The following PTK2 variants were observed in gnomAD, a reference collection of about 807,000 sequenced individuals.
PTK2 encodes the protein protein tyrosine kinase 2, also known as focal adhesion kinase 1.
A neutral mutation model predicts 150.1 loss-of-function variants in PTK2; 45 were observed. The observed-to-expected ratio is 0.30, with a 90% CI of 0.24 to 0.38. The LOEUF (loss-of-function observed/expected upper bound fraction) is 0.38, where lower values mean the gene tolerates loss of function less well. Among genes scored for constraint, PTK2 ranks in the 10% least tolerant of loss-of-function variants. PTK2 has a pLI of 1.00. For synonymous variants in PTK2, 432 were observed against 449.2 expected (o/e 0.96, Z 0.48); for missense variants, 919 against 1,307.3 (o/e 0.70, Z 4.58).
chr8:140,708,354 C>G (rs1387449804), intron 23 of PTK2, among the ~76,000 whole-genome samples: 2 of 152,166 alleles, frequency 1.3e-5, no homozygotes, highest in Non-Finnish European at 2.9e-5. Context: ...CTCCTTCCAT[C>G]TGTAGTATAC....
chr8:140,681,416 G>A (rs1198681028), intron 27 of PTK2, among the ~76,000 whole-genome samples: 1 of 151,240 alleles, frequency 6.6e-6, no homozygotes, highest in Non-Finnish European at 1.5e-5. Context: ...CTGAGGAACT[G>A]GAAAAACAAG....
At chr8:140,918,317 C>T (rs2100166102) in intron 2 of PTK2, among the ~76,000 whole-genome samples, 2 of 152,186 alleles carry the variant, frequency 1.3e-5, no homozygotes, top group African/African-American at 4.8e-5. Context: ...AAATATCTGA[C>T]ACTCTTTAGT....
intron 2 of PTK2, chr8:140,920,905 C>T: frequency 2.0e-6 from 3 of 1,522,380 alleles, no homozygotes; most frequent in Non-Finnish European, 2.6e-6. Flanking sequence ...CTGCCAGTTC[C>T]AACAACATAC....
rs1370486810 is a variant in PTK2, at chr8:140,717,727, T to C, written c.2031-18A>G. 4 of 1,605,216 alleles carry C rather than the reference T, an allele frequency of 2.5e-6. No homozygotes were observed. Among genetic ancestry groups the C allele is most frequent in the Non-Finnish European group, 3.4e-6 (4 of 1,172,082 alleles). ...GGATTGTGCTAGAGAGACAACACAT[T>C]GTCTTAGGGGAGCTGACAACCCAGA... On this transcript the variant is annotated intron_variant, in intron 22 of 31. Coordinates refer to ENST00000522684, the Ensembl canonical transcript of PTK2.
intron 12 of PTK2, among the ~76,000 whole-genome samples, chr8:140,797,074 A>G (rs2100092037): frequency 6.6e-6 from 1 of 152,192 alleles, no homozygotes; most frequent in East Asian, 1.9e-4. Flanking sequence ...AGGCAGACAA[A>G]TGGGCAGAGT....
rs1002053744 is a variant in PTK2 at position 140,800,456 on chromosome 8, C to T, written c.1093+3G>A. ...TTGGGAATGCTCAGAAACAGCACCT[C>T]ACCTTTCTGAGGTCTGATGATAAAT... On this transcript the variant is annotated splice_donor_region_variant and intron_variant, in intron 12 of 31. Coordinates refer to ENST00000522684, the Ensembl canonical transcript of PTK2. 23 of 1,607,376 alleles carry T rather than the reference C, an allele frequency of 1.4e-5. No homozygotes were observed. Among genetic ancestry groups the T allele is most frequent in the Non-Finnish European group, 1.9e-5 (22 of 1,173,896 alleles).
At chr8:140,783,260 G>A (rs1014633520) in intron 14 of PTK2, among the ~76,000 whole-genome samples, 2 of 151,976 alleles carry the variant, frequency 1.3e-5, no homozygotes, top group South Asian at 2.1e-4. Flanking sequence ...AAAGAAATGA[G>A]TCAATATGGT....
chr8:140,680,167 C>T (rs1307936093), intron 27 of PTK2, among the ~76,000 whole-genome samples: 1 of 152,202 alleles, frequency 6.6e-6, no homozygotes. Context: ...CTATTGCCTC[C>T]ACCTGGCACA....
chr8:140,822,243 T>C (rs1329296804), intron 8 of PTK2: 1 of 152,178 alleles, frequency 6.6e-6, no homozygotes, highest in African/African-American at 2.4e-5. Context: ...CAGGTATCTA[T>C]TCTCAATAAA....
At chr8:140,966,300 C>G (rs1325611681) in intron 1 of PTK2, among the ~76,000 whole-genome samples, 1 of 152,248 alleles carries the variant, frequency 6.6e-6, no homozygotes, top group Non-Finnish European at 1.5e-5. Flanking sequence ...AATGGATACA[C>G]TGGCATTGAG....
intron 1 of PTK2, among the ~76,000 whole-genome samples, chr8:140,998,094 T>C (rs2100198486): frequency 6.6e-6 from 1 of 152,200 alleles, no homozygotes; most frequent in African/African-American, 2.4e-5. Flanking sequence ...CTACAGGAAC[T>C]AAACTTCTCA....
chr8:140,663,803 A>G (rs546866886), intron 31 of PTK2, among the ~76,000 whole-genome samples: 2 of 152,162 alleles, frequency 1.3e-5, no homozygotes, highest in South Asian at 4.2e-4. Flanking sequence ...CCTCCTGAGT[A>G]GCTACTGCAC....
chr8:140,683,920 G>A (rs929370532), intron 27 of PTK2, among the ~76,000 whole-genome samples: 1 of 152,084 alleles, frequency 6.6e-6, no homozygotes, highest in Non-Finnish European at 1.5e-5. Flanking sequence ...ATGGGCAAAG[G>A]CTGGAAGCAC....
intron 23 of PTK2, among the ~76,000 whole-genome samples, chr8:140,716,485 C>T (rs1015783762): frequency 2.6e-5 from 4 of 152,188 alleles, no homozygotes; most frequent in African/African-American, 9.7e-5. Flanking sequence ...TGTTTCTTCT[C>T]TGGGCCTCGG....
At position 140,686,613 on chromosome 8, in the gene PTK2, G is replaced by A; in HGVS notation, c.2562+19C>T. 2 of 1,603,860 alleles carry A rather than the reference G, an allele frequency of 1.2e-6. No homozygotes were observed. Among genetic ancestry groups the A allele is most frequent in the Admixed American group, 1.7e-5 (1 of 59,946 alleles). On this transcript the variant is annotated intron_variant, in intron 27 of 31. Transcript: ENST00000522684. ...ACAGGAGAACTGGAAATCAAATCCT[G>A]CTGAAAACTCAGGCTTACCGGACCC...
intron 27 of PTK2, among the ~76,000 whole-genome samples, chr8:140,678,452 T>A (rs771693703): frequency 2.0e-5 from 3 of 152,220 alleles, no homozygotes; most frequent in African/African-American, 7.2e-5. Flanking sequence ...GCTCAAGTGA[T>A]GCTCCTGCCT....
intron 10 of PTK2, 125 bp downstream of exon 10, chr8:140,818,152 C>T: frequency 6.0e-6 from 5 of 834,714 alleles, no homozygotes; most frequent in South Asian, 1.6e-5. Context: ...CTCCACTGAA[C>T]AATAAATGCA....
intron 21 of PTK2, among the ~76,000 whole-genome samples, chr8:140,738,121 A>C (rs1373981650): frequency 6.6e-6 from 1 of 152,228 alleles, no homozygotes; most frequent in Non-Finnish European, 1.5e-5. Context: ...CTAATGTAGC[A>C]GAGATAACAT....
Position 140,661,186 on chromosome 8 carries a change from G to C in PTK2, c.2947-1508C>G, listed in dbSNP as rs1223522276. 1.2e-4 allele frequency among the ~76,000 whole-genome samples: 19 copies of C among 152,192 alleles called. 1 individual carries two copies. The highest frequency in any genetic ancestry group is 1.2e-3 in the Admixed American group (19 of 15,284). On this transcript the variant is annotated intron_variant, in intron 31 of 31. Coordinates refer to ENST00000522684, the Ensembl canonical transcript of PTK2. ...CTTTATTTGGCAGGACTTGGCAAGA[G>C]GGATAAGAGATTTTTAAGAAGGAGA...
Sources: gnomAD v4.1 joint callset for allele counts (sites outside exome capture counted in the v4.1 genomes callset) on GRCh38, gnomAD v4.1.1 for gene constraint, MANE v1.5 for transcripts, NCBI Gene and HGNC (gene_info 2026-07-23, HGNC 2026-07-21) for gene names.